The following TPTE2 variants were observed in gnomAD, a reference collection of about 807,000 sequenced individuals.
TPTE2 encodes transmembrane phosphoinositide 3-phosphatase and tensin homolog 2.
TPTE2 carries 53 observed loss-of-function variants against 78.6 expected under a neutral mutation model. That is an observed-to-expected ratio of 0.67 (90% CI 0.54 to 0.85). The LOEUF is 0.85. TPTE2 is among the 40% of genes least tolerant of loss of function. The probability of loss-of-function intolerance (pLI) is 0.00; values close to 1 mark genes in which losing one functional copy is unlikely to be tolerated. For missense variants in TPTE2, 461 were observed against 623.0 expected (o/e 0.74, Z 2.77); for synonymous variants, 175 against 206.2 (o/e 0.85, Z 1.30).
rs142518301 is a variant in TPTE2 at position 19,446,847 on chromosome 13, T to C, written c.973+3229A>G. 2.5e-3 allele frequency among the ~76,000 whole-genome samples: 375 copies of C among 152,092 alleles called. 1 individual carries two copies. The highest frequency in any genetic ancestry group is 8.6e-3 in the African/African-American group (359 of 41,506). On this transcript the variant is annotated intron_variant, in intron 13 of 19. Coordinates refer to ENST00000400230, the Ensembl canonical transcript of TPTE2. The stretch of plus-strand genomic sequence containing the variant: ...TCCCACCTACTCAGAGGGGCTGAGA[T>C]GGGAGGATCGCTTGAGCCCCAGGAG...
chr13:19,465,524 T>A lies in TPTE2; in HGVS notation c.553A>T (p.Ile185Leu), dbSNP rs545872239. The change falls in exon 8 of 20, where the codon ATA becomes TTA. Residue 185 changes from isoleucine to leucine, a missense_variant. Physicochemically the swap from Ile to Leu is conservative, Grantham distance 5. Transcript: ENST00000400230. ...TGATGAAGCAGATGAAAAATTCTTATCAGAATAATAAGTCGTAGAAGTCGA... is the reference window on the plus strand; with the variant it reads ...TGATGAAGCAGATGAAAAATTCTTAACAGAATAATAAGTCGTAGAAGTCGA... 6 of 1,609,880 alleles carry A rather than the reference T, an allele frequency of 3.7e-6. No homozygotes were observed. In the South Asian group the frequency reaches 6.7e-5, roughly 18 times the overall value.
At chr13:19,493,176 G>A (rs1262292249) in intron 2 of TPTE2, among the ~76,000 whole-genome samples, 1 of 16,892 alleles carries the variant, frequency 5.9e-5, no homozygotes, top group Non-Finnish European at 1.4e-4. Flanking sequence ...TGGAAACTCT[G>A]TTACAAAAAA....
intron 15 of TPTE2, among the ~76,000 whole-genome samples, chr13:19,435,814 T>C (rs1335341675): frequency 2.1e-5 from 3 of 145,590 alleles, no homozygotes; most frequent in African/African-American, 7.7e-5. Context: ...CCAAAAACAG[T>C]CTTTGTGATG....
chr13:19,439,407 G>C (rs77365947), intron 13 of TPTE2, among the ~76,000 whole-genome samples: 1 of 151,808 alleles, frequency 6.6e-6, no homozygotes, highest in Non-Finnish European at 1.5e-5. Flanking sequence ...AGGGAGAAGG[G>C]AAAGGGAAAG....
At chr13:19,489,267 T>C (rs931837608) in intron 3 of TPTE2, among the ~76,000 whole-genome samples, 5 of 151,994 alleles carry the variant, frequency 3.3e-5, no homozygotes, top group Non-Finnish European at 7.4e-5. Context: ...AGACACAAGG[T>C]GAGAACATGC....
chr13:19,482,601 A>G, intron 3 of TPTE2, 54 bp from the exon 7 acceptor site: 1 of 1,594,606 alleles, frequency 6.3e-7, no homozygotes, highest in Non-Finnish European at 8.6e-7. Flanking sequence ...TTGCTACACA[A>G]AATAGTGATG....
At chr13:19,506,717 T>C (rs1035425113), upstream of TPTE2, among the ~76,000 whole-genome samples, 12 of 152,248 alleles carry the variant, frequency 7.9e-5, no homozygotes, top group Non-Finnish European at 1.5e-4. Flanking sequence ...TTCTTCCTTA[T>C]AGCCTTCATA....
intron 13 of TPTE2, among the ~76,000 whole-genome samples, chr13:19,446,784 T>C (rs1420200729): frequency 6.6e-6 from 1 of 151,950 alleles, no homozygotes; most frequent in African/African-American, 2.4e-5. Flanking sequence ...CTATAAAAAA[T>C]ACAAAAATTA....
chr13:19,509,624 T>G (rs751804913), intron 1 of TPTE2, among the ~76,000 whole-genome samples: 6 of 152,176 alleles, frequency 3.9e-5, no homozygotes, highest in Non-Finnish European at 7.4e-5. Context: ...TTTAAAGGCT[T>G]TCCCTCTCCC....
the TPTE2 span, among the ~76,000 whole-genome samples, chr13:19,559,405 T>C: frequency 2.1e-3 from 322 of 152,042 alleles, 1 homozygote; most frequent in Middle Eastern, 0.01. Context: ...AAAATAAATA[T>C]AGTGTTATTG....
upstream of TPTE2, among the ~76,000 whole-genome samples, chr13:19,506,408 C>T (rs567367309): frequency 1.4e-4 from 21 of 151,622 alleles, no homozygotes; most frequent in African/African-American, 3.6e-4. Flanking sequence ...CTCCTGACCT[C>T]GTGATCCGCC....
At chr13:19,489,969 A>G (rs1880907897) in intron 3 of TPTE2, among the ~76,000 whole-genome samples, 1 of 152,124 alleles carries the variant, frequency 6.6e-6, no homozygotes, top group Admixed American at 6.6e-5. Context: ...TTTCTGGTTG[A>G]AGTTATGTAC....
At chr13:19,426,655 T>C (rs1229693775) in intron 17 of TPTE2, 138 bp from the exon 21 acceptor site, 8 of 538,516 alleles carry the variant, frequency 1.5e-5, no homozygotes, top group African/African-American at 3.9e-5. Context: ...TAAATAATTA[T>C]TAATAATCTT....
intron 4 of TPTE2, among the ~76,000 whole-genome samples, chr13:19,480,164 A>G (rs1386192973): frequency 2.0e-5 from 3 of 152,120 alleles, no homozygotes; most frequent in South Asian, 2.1e-4. Context: ...GGCAGGTGCT[A>G]TCTCTCCCAC....
intron 14 of TPTE2, among the ~76,000 whole-genome samples, chr13:19,436,703 C>T (rs1877115906): frequency 6.6e-6 from 1 of 152,138 alleles, no homozygotes; most frequent in South Asian, 2.1e-4. Context: ...GCATGAGCCA[C>T]CCATGCCCGG....
At chr13:19,513,703 G>A (rs1251094771) in intron 1 of TPTE2, among the ~76,000 whole-genome samples, 1 of 152,116 alleles carries the variant, frequency 6.6e-6, no homozygotes, top group Non-Finnish European at 1.5e-5. Context: ...GTCTTTATGT[G>A]TTGGTAATAA....
At chr13:19,525,149 G>A (rs111289713) in intron 1 of TPTE2, among the ~76,000 whole-genome samples, 3,667 of 152,240 alleles carry the variant, frequency 0.024, 63 homozygotes, top group Middle Eastern at 0.051. Flanking sequence ...AACCAGGGTG[G>A]TAGTAAGAAT....
In TPTE2 at chr13:19,531,746, G is replaced by A. The variant is rs138472356; in HGVS notation, c.-44+4850C>T. Among the ~76,000 whole-genome samples the A allele has an allele frequency of 3.3e-3, 499 of 152,062 alleles. 4 individuals carry two copies. The highest frequency in any genetic ancestry group is 0.011 in the African/African-American group (472 of 41,478). ...GGTCAAGACCAGCCTAGCCAACATGGTGAAACCCCATCTCTACTAAAAATA... is the reference window on the plus strand; with the variant it reads ...GGTCAAGACCAGCCTAGCCAACATGATGAAACCCCATCTCTACTAAAAATA... On this transcript the variant is annotated intron_variant, in intron 1 of 17. Coordinates refer to the TPTE2 transcript ENST00000390680.
At chr13:19,445,376 G>A (rs1393521706) in intron 13 of TPTE2, among the ~76,000 whole-genome samples, 2 of 151,284 alleles carry the variant, frequency 1.3e-5, no homozygotes, top group Non-Finnish European at 2.9e-5. Context: ...AGTAATTATA[G>A]AAATGCAAAT....
Sources: gnomAD v4.1 joint callset for allele counts (sites outside exome capture counted in the v4.1 genomes callset) on GRCh38, gnomAD v4.1.1 for gene constraint, MANE v1.5 for transcripts, NCBI Gene and HGNC (gene_info 2026-07-23, HGNC 2026-07-21) for gene names.